ROBO4: variants seen among roughly 807,000 people sequenced by gnomAD.
ROBO4 encodes the protein roundabout guidance receptor 4.
In ROBO4, 80 loss-of-function variants were observed where a neutral mutation model predicts 103.3. That is an observed-to-expected ratio of 0.77 (90% CI 0.65 to 0.93). The LOEUF (loss-of-function observed/expected upper bound fraction) is 0.93. Ranked by LOEUF, ROBO4 falls within the 40% of genes least tolerant of loss-of-function variation. The probability of loss-of-function intolerance (pLI) is 0.00; values close to 1 mark genes in which losing one functional copy is unlikely to be tolerated. For missense variants in ROBO4, 1,333 were observed against 1,305.3 expected (o/e 1.02, Z -0.33); for synonymous variants, 504 against 529.7 (o/e 0.95, Z 0.67).
rs144446942 is a variant in ROBO4 at position 124,887,816 on chromosome 11, G to A, written c.1973C>T (p.Pro658Leu). ...CAAGGAGTGGCTGCCCCGGAGCAGTGGGGAACTGTTGGCATGCTGCAGCTC... is the reference window on the plus strand; with the variant it reads ...CAAGGAGTGGCTGCCCCGGAGCAGTAGGGAACTGTTGGCATGCTGCAGCTC... ...KQELQHANSS[P>L]LLRGSHSLEL... Residue 658 changes from proline (P) to leucine (L), a missense_variant, in exon 13 of 18, where the codon CCA (proline) becomes CTA (leucine). Pro to Leu is a moderately conservative substitution (Grantham distance 98). Transcript: ENST00000306534. 6 of 1,613,824 alleles carry A rather than the reference G, an allele frequency of 3.7e-6. No homozygotes were observed. In the East Asian group the frequency reaches 1.3e-4, roughly 36 times the overall value.
chr11:124,885,198 G>A lies in ROBO4; in HGVS notation c.2844C>T (p.Asn948=). 1 of 1,613,814 alleles carries A rather than the reference G, an allele frequency of 6.2e-7. No homozygotes were observed. The highest frequency in any genetic ancestry group is 8.5e-7 in the Non-Finnish European group (1 of 1,180,028). The change falls in exon 17 of 18, where the codon AAC becomes AAT. Residue 948 remains asparagine, a synonymous_variant. Coordinates refer to ENST00000306534, the MANE Select transcript of ROBO4 (RefSeq NM_019055.6). ...TCCACTCCCACAGGGGCAGGGAGAG[G>A]TTGGGGGTCAGGAAGATCTCATCCC... is the stretch of plus-strand genomic sequence containing the variant. The part of the protein sequence containing the change: ...SPRDEIFLTP[N]LSLPLWEWRP...
chr11:124,893,543 A>T, intron 10 of ROBO4, 145 bp downstream of exon 10: 1 of 750,670 alleles, frequency 1.3e-6, no homozygotes, highest in Non-Finnish European at 2.4e-6. Context: ...AGAGAAATGA[A>T]CTATCAGTTG....
At chr11:124,885,459 C>A (rs192463852) in intron 16 of ROBO4, among the ~76,000 whole-genome samples, 1 of 152,314 alleles carries the variant, frequency 6.6e-6, no homozygotes, top group Admixed American at 6.5e-5. Flanking sequence ...TTCCTTCCAG[C>A]CCAGCTCTGG....
Position 124,884,794 on chromosome 11 carries a change from G to A in ROBO4, c.*97C>T, listed in dbSNP as rs2135362346. 7.2e-7 allele frequency: 1 copy of A among 1,388,290 alleles called. No homozygotes were observed. The highest frequency in any genetic ancestry group is 1.0e-6 in the Non-Finnish European group (1 of 975,846). 86.0% of individuals were successfully genotyped at this position (1,388,290 alleles called of 1,614,324 possible). The stretch of plus-strand genomic sequence containing the variant: ...TGGGAAGGTGGACCCCAGCTGCAGA[G>A]AAACACAGGCCAAGACCCACACACC... On this transcript the variant is annotated 3_prime_UTR_variant, in exon 18 of 18. Coordinates refer to ENST00000306534, the MANE Select transcript of ROBO4 (RefSeq NM_019055.6).
chr11:124,892,055 G>A (rs1257156318), intron 10 of ROBO4: 3 of 676,710 alleles, frequency 4.4e-6, no homozygotes, highest in Admixed American at 2.0e-5. Context: ...ATGACAGACA[G>A]CTATGTATGC....
At chr11:124,886,324 G>T in intron 16 of ROBO4, 140 bp downstream of exon 16, 1 of 673,728 alleles carries the variant, frequency 1.5e-6, no homozygotes, top group Non-Finnish European at 2.6e-6. Context: ...AATATTAAAT[G>T]TATGCAAAGC....
At chr11:124,891,942 TCA>T (rs1308946157) in intron 10 of ROBO4, 140 bp from the exon 11 acceptor site, 2 of 963,532 alleles carry the variant, frequency 2.1e-6, no homozygotes, top group African/African-American at 3.2e-5. Context: ...TTTCAGCTTT[TCA>T]CAGACTCCTT....
chr11:124,887,212 G>T lies in ROBO4; in HGVS notation c.2200C>A (p.Pro734Thr). 1 of 1,589,788 alleles carries T rather than the reference G, an allele frequency of 6.3e-7. No homozygotes were observed. The highest frequency in any genetic ancestry group is 1.1e-5 in the South Asian group (1 of 87,022). The stretch of plus-strand genomic sequence containing the variant: ...GAGGGAGCCTGTGGTGCCACCGGAG[G>T]CCTGATTTGCGGGAGAGAGTGATGG... ...TPPTQSQQTQ[P>T]PVAPQAPSSI... is the part of the protein sequence containing the mutation. Residue 734 changes from proline to threonine, a missense_variant and splice_region_variant, in exon 15 of 18, where the codon CCT (proline) becomes ACT (threonine). Physicochemically the swap from Pro to Thr is conservative, Grantham distance 38 (BLOSUM62 -1). Coordinates refer to ENST00000306534, the MANE Select transcript of ROBO4 (RefSeq NM_019055.6).
In ROBO4 at chr11:124,896,675, G is replaced by A; in HGVS notation, c.401-5C>T. On this transcript the variant is annotated splice_region_variant and splice_polypyrimidine_tract_variant and intron_variant, in intron 2 of 17. Transcript: ENST00000306534. The stretch of plus-strand genomic sequence containing the variant: ...TCTGGAAATCCTCCCGGAGGACTGT[G>A]GGGAGGATGGAAGGTGACACGGAGC... 1 of 1,613,676 alleles carries A rather than the reference G, an allele frequency of 6.2e-7. No homozygotes were observed. Among genetic ancestry groups the A allele is most frequent in the Non-Finnish European group, 8.5e-7 (1 of 1,179,778 alleles).
At position 124,891,534 on chromosome 11, in the gene ROBO4, G is replaced by A. The variant is rs752616910; in HGVS notation, c.1713C>T (p.Gly571=). 6.2e-6 allele frequency: 10 copies of A among 1,614,222 alleles called. No individual in the cohort carries two copies. The highest frequency in any genetic ancestry group is 1.1e-5 in the South Asian group (1 of 91,088). ...TGCTGGTGTCTGGAAGCAGGGGCAC[G>A]CCGGGGCTTCGGGAGTCCCAGGAGA... ...SLLSWDSRSP[G]VPLLPDTSTF... Residue 571 remains glycine, a synonymous_variant, in exon 12 of 18, where the codon GGC becomes GGT. Transcript: ENST00000306534.
chr11:124,895,078 T>C lies in ROBO4; in HGVS notation c.1149+3A>G. 1.2e-6 allele frequency: 2 copies of C among 1,607,176 alleles called. No homozygotes were observed. Among genetic ancestry groups the C allele is most frequent in the South Asian group, 1.1e-5 (1 of 90,932 alleles). On this transcript the variant is annotated splice_donor_region_variant and intron_variant, in intron 7 of 17. Coordinates refer to ENST00000306534, the MANE Select transcript of ROBO4 (RefSeq NM_019055.6). ...GAAGGGCTATGACAGCTAGTGGGGG[T>C]ACCTGGTAGCCACGGATGATGCCAT...
In ROBO4 at chr11:124,887,121, G is replaced by A. The variant is rs756027353; in HGVS notation, c.2291C>T (p.Ala764Val). The change falls in exon 15 of 18, where the codon GCC becomes GTC. Residue 764 changes from alanine to valine, a missense_variant. By Grantham distance (64) the Ala-to-Val change is moderately conservative (BLOSUM62 0). Transcript: ENST00000306534. ...TGGGCTGGGGCCAGAGAGGGAAGAG[G>A]CCTGGGGGCTAGGGGGACTGCAGGG... is the stretch of plus-strand genomic sequence containing the variant. ...LSPCSPPSPQ[A>V]SSLSGPSPAS... 3.1e-6 allele frequency: 5 copies of A among 1,613,588 alleles called. No homozygotes were observed. Among genetic ancestry groups the A allele is most frequent in the Non-Finnish European group, 4.2e-6 (5 of 1,179,762 alleles).
intron 16 of ROBO4, chr11:124,886,244 A>C: frequency 2.1e-6 from 1 of 470,982 alleles, no homozygotes; most frequent in East Asian, 3.3e-5. Context: ...TGGGCAAGCC[A>C]ATAAAATTAT....
chr11:124,893,087 G>T (rs1368686668), intron 10 of ROBO4: 2 of 155,930 alleles, frequency 1.3e-5, no homozygotes, highest in Middle Eastern at 3.1e-3. Context: ...GAGAGATGAG[G>T]CGGTTACTTA....
At chr11:124,889,507 A>G (rs890899639) in intron 12 of ROBO4, among the ~76,000 whole-genome samples, 5 of 152,224 alleles carry the variant, frequency 3.3e-5, no homozygotes, top group Non-Finnish European at 7.3e-5. Flanking sequence ...GACAAGAAAA[A>G]TGTTATCAAG....
At chr11:124,887,936 C>T (rs974745841) in intron 12 of ROBO4, 96 bp from the exon 13 acceptor site, 28 of 950,110 alleles carry the variant, frequency 2.9e-5, no homozygotes, top group East Asian at 1.0e-4. Flanking sequence ...TCAGCCTGCA[C>T]GACCCTGAAC....
rs1435322617 is a variant in ROBO4 at position 124,891,495 on chromosome 11, G to A, written c.1752C>T (p.Ser584=). 2 of 1,614,096 alleles carry A rather than the reference G, an allele frequency of 1.2e-6. No homozygotes were observed. Among genetic ancestry groups the A allele is most frequent in the Non-Finnish European group, 1.7e-6 (2 of 1,179,974 alleles). The change falls in exon 12 of 18, where the codon TCC becomes TCT. Residue 584 remains serine (S), a synonymous_variant. Transcript: ENST00000306534. ...LLPDTSTFYG[S]LIAELPSSTP... is the part of the protein sequence containing the mutation. ...TACTGGAGGGCAGCTCAGCGATGAG[G>A]GAGCCATAAAAAGTGCTGGTGTCTG... is the stretch of plus-strand genomic sequence containing the variant.
chr11:124,897,344 G>C lies in ROBO4; in HGVS notation c.71-83C>G, dbSNP rs577052951. 197 of 1,083,362 alleles carry C rather than the reference G, an allele frequency of 1.8e-4. 2 individuals are homozygous for C. Among genetic ancestry groups the C allele is most frequent in the South Asian group, 9.9e-4 (55 of 55,568 alleles). The allele number at this position is 1,083,362 out of a possible 1,614,324, so 67.1% of individuals were successfully genotyped here. ...GCCCACCCCTCATCTGTCTTCTCTT[G>C]TGTGCGAGTTTGCCAGAAAACCTGT... is the stretch of plus-strand genomic sequence containing the variant. On this transcript the variant is annotated intron_variant, in intron 1 of 17. Transcript: ENST00000306534.
chr11:124,885,164 A>C lies in ROBO4; in HGVS notation c.2878T>G (p.Trp960Gly). 6.2e-7 allele frequency: 1 copy of C among 1,613,970 alleles called. No individual in the cohort carries two copies. Among genetic ancestry groups the C allele is most frequent in the Non-Finnish European group, 8.5e-7 (1 of 1,180,000 alleles). The part of the protein sequence containing the change: ...SLPLWEWRPD[W>G]LEDMEVSHTQ... The stretch of plus-strand genomic sequence containing the variant: ...TGGCTGACCTCCATGTCTTCCAACC[A>C]GTCTGGCCTCCACTCCCACAGGGGC... The change falls in exon 17 of 18, where the codon TGG becomes GGG. Residue 960 changes from tryptophan (W) to glycine (G), a missense_variant. Physicochemically the swap from Trp to Gly is radical, Grantham distance 184. Coordinates refer to ENST00000306534, the MANE Select transcript of ROBO4 (RefSeq NM_019055.6).
Sources: gnomAD v4.1 joint callset for allele counts (sites outside exome capture counted in the v4.1 genomes callset) on GRCh38, gnomAD v4.1.1 for gene constraint, MANE v1.5 for transcripts, NCBI Gene and HGNC (gene_info 2026-07-23, HGNC 2026-07-21) for gene names.